The following SFXN1 variants were observed in gnomAD, a reference collection of about 807,000 sequenced individuals.
The protein encoded by SFXN1 is sideroflexin 1, also known as sideroflexin-1.
A neutral mutation model predicts 39.5 loss-of-function variants in SFXN1; 32 were observed. The ratio of observed to expected loss-of-function variants is 0.81; its 90% CI spans 0.61 to 1.09. The LOEUF is 1.09. SFXN1 is among the 50% of genes least tolerant of loss of function. The probability of loss-of-function intolerance (pLI) is 0.00; values close to 1 mark genes in which losing one functional copy is unlikely to be tolerated. For missense variants in SFXN1, 402 were observed against 407.1 expected (o/e 0.99, Z 0.11); for synonymous variants, 136 against 146.5 (o/e 0.93, Z 0.52).
At chr5:175,481,736 C>T (rs1336967679) in intron 1 of SFXN1, among the ~76,000 whole-genome samples, 1 of 152,232 alleles carries the variant, frequency 6.6e-6, no homozygotes, top group African/African-American at 2.4e-5. Context: ...CCAACGTCTC[C>T]ATGCAGAACT....
At chr5:175,501,996 C>G (rs1113637) in intron 2 of SFXN1, among the ~76,000 whole-genome samples, 8,331 of 152,124 alleles carry the variant, frequency 0.055, 753 homozygotes, top group African/African-American at 0.19. Context: ...AATTTGGTGG[C>G]TAGGGGCTTG....
intron 4 of SFXN1, 146 bp from the exon 5 acceptor site, chr5:175,511,305 T>G (rs1312629217): frequency 1.6e-6 from 1 of 638,114 alleles, no homozygotes; most frequent in Non-Finnish European, 2.7e-6. Context: ...TTCCCCTACT[T>G]GTGGAGTGAT....
intron 10 of SFXN1, chr5:175,524,148 ATATATATATATATATATATATATC>A: frequency 1.6e-5 from 1 of 63,392 alleles, no homozygotes; most frequent in Non-Finnish European, 2.9e-5. Flanking sequence ...ATATATATAT[ATATATATATATATATATATATATC>A]TCCAATAAGT....
At chr5:175,501,922 C>G (rs1016973550) in intron 2 of SFXN1, among the ~76,000 whole-genome samples, 1 of 152,044 alleles carries the variant, frequency 6.6e-6, no homozygotes, top group African/African-American at 2.4e-5. Context: ...TGAGGGAGAC[C>G]GGAGTTTTAT....
At chr5:175,510,356 T>C (rs1760470299) in intron 4 of SFXN1, 149 bp downstream of exon 4, 2 of 661,406 alleles carry the variant, frequency 3.0e-6, no homozygotes, top group Admixed American at 6.0e-5. Context: ...GCTTTTTTCT[T>C]TTTTAAAGTA....
chr5:175,488,043 ACTGT>A (rs2113268838), intron 1 of SFXN1, among the ~76,000 whole-genome samples: 1 of 151,856 alleles, frequency 6.6e-6, no homozygotes, highest in Non-Finnish European at 1.5e-5. Flanking sequence ...TTATCTCCCC[ACTGT>A]CTGTTCTCCA....
intron 2 of SFXN1, among the ~76,000 whole-genome samples, chr5:175,498,346 A>AC (rs200839559): frequency 0.067 from 10,157 of 152,166 alleles, 457 homozygotes; most frequent in Admixed American, 0.11. Flanking sequence ...TTTAACCCTC[A>AC]CAACCTTTGA....
chr5:175,491,861 C>T (rs1031970540), intron 1 of SFXN1: 2 of 400,482 alleles, frequency 5.0e-6, no homozygotes, highest in African/African-American at 2.1e-5. Flanking sequence ...ATACTATGTA[C>T]TTATAAAGAG....
intron 9 of SFXN1, 46 bp from the exon 10 acceptor site, chr5:175,522,329 A>G: frequency 2.0e-6 from 3 of 1,535,360 alleles, no homozygotes; most frequent in Non-Finnish European, 2.6e-6. Context: ...TAAGCTGAAA[A>G]TTAACCATTT....
intron 1 of SFXN1, among the ~76,000 whole-genome samples, chr5:175,485,145 G>A (rs1212387728): frequency 6.6e-6 from 1 of 152,196 alleles, no homozygotes; most frequent in Non-Finnish European, 1.5e-5. Context: ...TTAATTCTGG[G>A]TGCAGAGGAA....
chr5:175,508,443 A>C (rs2662166), intron 2 of SFXN1, among the ~76,000 whole-genome samples: 37,619 of 151,428 alleles, frequency 0.25, 6,429 homozygotes, highest in African/African-American at 0.48. Context: ...CCATGTTGCT[A>C]AGGCTGGTTT....
chr5:175,495,931 G>C (rs1359327482), intron 2 of SFXN1, among the ~76,000 whole-genome samples: 1 of 143,584 alleles, frequency 7.0e-6, no homozygotes, highest in Non-Finnish European at 1.5e-5. Context: ...ACGGAGTTTC[G>C]CTCTTGTTGC....
chr5:175,513,786 G>A (rs1760620081), intron 7 of SFXN1, 196 bp downstream of exon 7: 2 of 535,898 alleles, frequency 3.7e-6, no homozygotes, highest in East Asian at 3.6e-5. Flanking sequence ...ATGGGGCTAG[G>A]GCGTGTGGGT....
intron 2 of SFXN1, among the ~76,000 whole-genome samples, chr5:175,506,909 C>G (rs1019584586): frequency 8.5e-5 from 13 of 152,174 alleles, no homozygotes; most frequent in Admixed American, 1.3e-4. Flanking sequence ...CGTGATCCAC[C>G]CACCTTGGCC....
chr5:175,495,676 T>C (rs1213560710), intron 2 of SFXN1, among the ~76,000 whole-genome samples: 2 of 150,654 alleles, frequency 1.3e-5, no homozygotes, highest in Non-Finnish European at 3.0e-5. Flanking sequence ...TTGCAGTGAC[T>C]TGAGATCGCA....
At chr5:175,488,036 T>C (rs1223052170) in intron 1 of SFXN1, among the ~76,000 whole-genome samples, 3 of 152,186 alleles carry the variant, frequency 2.0e-5, no homozygotes, top group Non-Finnish European at 2.9e-5. Context: ...TCCGCTCTTA[T>C]CTCCCCACTG....
intron 4 of SFXN1, 85 bp from the exon 5 acceptor site, chr5:175,511,366 T>C (rs1174233808): frequency 1.0e-6 from 1 of 1,002,610 alleles, no homozygotes; most frequent in Non-Finnish European, 1.6e-6. Flanking sequence ...TCTTTTATAT[T>C]TCCCTTTTAT....
chr5:175,513,027 G>A (rs190858561), intron 6 of SFXN1, among the ~76,000 whole-genome samples: 29 of 152,210 alleles, frequency 1.9e-4, no homozygotes, highest in Admixed American at 1.4e-3. Context: ...TCTGCTGGGC[G>A]CAGTGGCTCA....
chr5:175,513,580 C>T lies in SFXN1; in HGVS notation c.714C>T (p.Ala238=). Residue 238 remains alanine (A), a synonymous_variant, in exon 7 of 11, where the codon GCC becomes GCT. Coordinates refer to ENST00000321442, the MANE Select transcript of SFXN1 (RefSeq NM_022754.7). ...TCGTGTCCAGGATTCTCATGGCAGC[C>T]CCTGGCATGGGTTAGCAGGACTTTG... The part of the protein sequence containing the change: ...QVVVSRILMA[A]PGMAIPPFIM... The T allele has an allele frequency of 1.9e-6, 3 of 1,613,732 alleles. No individual in the cohort carries two copies. In the South Asian group the frequency reaches 3.3e-5, roughly 18 times the overall value.
Sources: gnomAD v4.1 joint callset for allele counts (sites outside exome capture counted in the v4.1 genomes callset) on GRCh38, gnomAD v4.1.1 for gene constraint, MANE v1.5 for transcripts, NCBI Gene and HGNC (gene_info 2026-07-23, HGNC 2026-07-21) for gene names.